The following WDR75 variants were observed in gnomAD, a reference collection of about 807,000 sequenced individuals.
The protein encoded by WDR75 is WD repeat domain 75.
In WDR75, 52 loss-of-function variants were observed where a neutral mutation model predicts 106.1. The ratio of observed to expected loss-of-function variants is 0.49; its 90% CI spans 0.39 to 0.62. The LOEUF (loss-of-function observed/expected upper bound fraction) is 0.62. Among genes scored for constraint, WDR75 ranks in the 20% least tolerant of loss-of-function variants. The pLI is 0.00. For synonymous variants in WDR75, 333 were observed against 335.5 expected (o/e 0.99, Z 0.08); for missense variants, 905 against 970.3 (o/e 0.93, Z 0.89).
intron 1 of WDR75, among the ~76,000 whole-genome samples, chr2:189,446,736 A>G (rs562252743): frequency 1.3e-5 from 2 of 152,326 alleles, no homozygotes; most frequent in South Asian, 2.1e-4. Flanking sequence ...CAGACACTCT[A>G]TATAGTAAAT....
At position 189,462,603 on chromosome 2, in the gene WDR75, C is replaced by T; in HGVS notation, c.898C>T (p.Pro300Ser). 2 of 1,613,870 alleles carry T rather than the reference C, an allele frequency of 1.2e-6. No individual in the cohort carries two copies. Among genetic ancestry groups the T allele is most frequent in the Admixed American group, 1.7e-5 (1 of 59,982 alleles). ...GATIEHISVSPAGDLFCTSHS... is the reference protein window; with the variant it reads ...GATIEHISVSSAGDLFCTSHS... ...TACTATTGAACATATCTCAGTCTCG[C>T]CTGCAGGAGATTTATTCTGCACTTC... The change falls in exon 9 of 21, where the codon CCT (proline) becomes TCT (serine). Residue 300 changes from proline (P) to serine (S), a missense_variant. Physicochemically the swap from Pro to Ser is moderately conservative, Grantham distance 74. Transcript: ENST00000314761.
intron 4 of WDR75, among the ~76,000 whole-genome samples, chr2:189,454,526 TTG>T (rs1208777084): frequency 1.1e-4 from 16 of 143,772 alleles, no homozygotes; most frequent in African/African-American, 2.0e-4. Flanking sequence ...TGTATTTCTT[TTG>T]TTTTTTTTTT....
Position 189,457,262 on chromosome 2 carries a change from A to G in WDR75, c.499-49A>G, listed in dbSNP as rs757738690. ...GTCTCAAAAAAAAAAGAAAAAAAAA[A>G]GAGTGTTGACTATTTTTGTGAATGT... On this transcript the variant is annotated intron_variant, in intron 5 of 20. Coordinates refer to ENST00000314761, the MANE Select transcript of WDR75 (RefSeq NM_032168.3). 7 of 1,290,714 alleles carry G rather than the reference A, an allele frequency of 5.4e-6. No homozygotes were observed. The African/African-American group carries it at 1.0e-4, about 19-fold the overall frequency. The allele number at this position is 1,290,714 out of a possible 1,614,324, so 80.0% of individuals were successfully genotyped here.
At chr2:189,471,728 T>C (rs937245778) in intron 18 of WDR75, among the ~76,000 whole-genome samples, 2 of 152,318 alleles carry the variant, frequency 1.3e-5, no homozygotes, top group African/African-American at 2.4e-5. Context: ...AGGATCTATA[T>C]TCACCATCAT....
chr2:189,460,268 A>C (rs1279258533), intron 8 of WDR75, among the ~76,000 whole-genome samples: 1 of 152,190 alleles, frequency 6.6e-6, no homozygotes, highest in Non-Finnish European at 1.5e-5. Flanking sequence ...TGACAGGACA[A>C]GTCTTAGATG....
At chr2:189,455,968 T>C (rs528252005) in intron 5 of WDR75, among the ~76,000 whole-genome samples, 2 of 152,244 alleles carry the variant, frequency 1.3e-5, no homozygotes, top group Non-Finnish European at 2.9e-5. Context: ...GATGTTTTTA[T>C]ACTGTGATTT....
In WDR75 at chr2:189,451,858, G is replaced by A. The variant is rs761494588; in HGVS notation, c.336G>A (p.Glu112=). The A allele has an allele frequency of 6.2e-7, 1 of 1,613,692 alleles. No homozygotes were observed. The change falls in exon 4 of 21, where the codon GAG becomes GAA. Residue 112 remains glutamate, a synonymous_variant. Coordinates refer to ENST00000314761, the MANE Select transcript of WDR75 (RefSeq NM_032168.3). ...CCCTCTTTACTCTTGCCCAAGCTGA[G>A]GATTCTGTCTTTGTTATAGTGAATA... ...LHALFTLAQA[E]DSVFVIVNKE... is the part of the protein sequence containing the mutation.
At chr2:189,462,462 A>G (rs754762705) in intron 8 of WDR75, 22 bp from the exon 9 acceptor site, 18 of 1,600,152 alleles carry the variant, frequency 1.1e-5, no homozygotes, top group Non-Finnish European at 1.4e-5. Context: ...CATCCTTTTA[A>G]TTTCCTTGAA....
At chr2:189,446,404 C>A (rs994983443) in intron 1 of WDR75, among the ~76,000 whole-genome samples, 3 of 152,134 alleles carry the variant, frequency 2.0e-5, no homozygotes, top group Non-Finnish European at 4.4e-5. Context: ...CTGAAGTACT[C>A]ATGGGAATGG....
chr2:189,468,106 C>A (rs1325350613), intron 14 of WDR75, among the ~76,000 whole-genome samples: 1 of 152,116 alleles, frequency 6.6e-6, no homozygotes, highest in East Asian at 1.9e-4. Flanking sequence ...CCCAGCATGT[C>A]TGATTCTGAA....
At position 189,470,105 on chromosome 2, in the gene WDR75, C is replaced by T. The variant is rs959586704; in HGVS notation, c.1849C>T (p.Pro617Ser). Residue 617 changes from proline (P) to serine (S), a missense_variant, in exon 17 of 21, where the codon CCA (proline) becomes TCA (serine). Coordinates refer to ENST00000314761, the MANE Select transcript of WDR75 (RefSeq NM_032168.3). ...TGTATTTAAACCTAGTGAGCCAAGG[C>T]CATTGTATATTCAAAAGGGTATCTC... ...LFVFKPSEPR[P>S]LYIQKGISRE... 5 of 1,612,840 alleles carry T rather than the reference C, an allele frequency of 3.1e-6. No homozygotes were observed. Among genetic ancestry groups the T allele is most frequent in the Non-Finnish European group, 4.2e-6 (5 of 1,179,342 alleles).
At chr2:189,443,897 T>G (rs1198984041) in intron 1 of WDR75, among the ~76,000 whole-genome samples, 1 of 152,160 alleles carries the variant, frequency 6.6e-6, no homozygotes, top group Non-Finnish European at 1.5e-5. Context: ...GAAATCACTT[T>G]TGCCCAAACT....
At position 189,450,968 on chromosome 2, in the gene WDR75, G is replaced by A. The variant is rs773645303; in HGVS notation, c.282G>A (p.Lys94=). Residue 94 remains lysine (K), a splice_region_variant and synonymous_variant, in exon 3 of 21, where the codon AAG becomes AAA. Coordinates refer to ENST00000314761, the MANE Select transcript of WDR75 (RefSeq NM_032168.3). ...ACTATATAGATGGCATCTTAATAAA[G>A]GTATGTGGATTGATCTTTACTTTTC... ...LWDYIDGILI[K]TFIVGCKLHA... 2.5e-6 allele frequency: 4 copies of A among 1,605,420 alleles called. No homozygotes were observed. Among genetic ancestry groups the A allele is most frequent in the Non-Finnish European group, 3.4e-6 (4 of 1,177,784 alleles).
Position 189,462,475 on chromosome 2 carries a change from G to A in WDR75, c.779-9G>A. The A allele has an allele frequency of 6.2e-7, 1 of 1,612,572 alleles. No individual in the cohort carries two copies. The highest frequency in any genetic ancestry group is 8.5e-7 in the Non-Finnish European group (1 of 1,179,096). On this transcript the variant is annotated splice_polypyrimidine_tract_variant and intron_variant, in intron 8 of 20. Coordinates refer to ENST00000314761, the MANE Select transcript of WDR75 (RefSeq NM_032168.3). Reference sequence around the variant, plus strand: ...ACCATCCTTTTAATTTCCTTGAATGGATATGAAGGCACCAGTCTGCTGAGT... The same window carrying A: ...ACCATCCTTTTAATTTCCTTGAATGAATATGAAGGCACCAGTCTGCTGAGT...
intron 18 of WDR75, among the ~76,000 whole-genome samples, chr2:189,472,078 T>TA (rs1687129156): frequency 6.6e-6 from 1 of 152,190 alleles, no homozygotes. Context: ...TGTTAATTAT[T>TA]TACTGTACGC....
At position 189,448,407 on chromosome 2, in the gene WDR75, G is replaced by T. The variant is rs772650048; in HGVS notation, c.115G>T (p.Val39Phe). The T allele has an allele frequency of 3.7e-6, 6 of 1,613,318 alleles. No homozygotes were observed. Among genetic ancestry groups the T allele is most frequent in the Middle Eastern group, 1.7e-4 (1 of 6,060 alleles). ...KYIFCVSGDFVKVYSTVTEEC... is the reference protein window; with the variant it reads ...KYIFCVSGDFFKVYSTVTEEC... Reference sequence around the variant, plus strand: ...TATCTTCTGTGTCTCTGGAGACTTTGTTAAAGTTTACAGCACAGTTACAGA... The same window carrying T: ...TATCTTCTGTGTCTCTGGAGACTTTTTTAAAGTTTACAGCACAGTTACAGA... The change falls in exon 2 of 21, where the codon GTT becomes TTT. Residue 39 changes from valine to phenylalanine, a missense_variant. Coordinates refer to ENST00000314761, the MANE Select transcript of WDR75 (RefSeq NM_032168.3).
At chr2:189,461,663 C>T (rs1011791485) in intron 8 of WDR75, among the ~76,000 whole-genome samples, 1 of 152,170 alleles carries the variant, frequency 6.6e-6, no homozygotes, top group Non-Finnish European at 1.5e-5. Flanking sequence ...ACTATTTTGG[C>T]TATGCCTTGG....
chr2:189,468,023 G>A (rs550560639), intron 14 of WDR75, among the ~76,000 whole-genome samples: 1 of 152,264 alleles, frequency 6.6e-6, no homozygotes, highest in South Asian at 2.1e-4. Context: ...AGTAGCAGCA[G>A]CATTTTCAGG....
chr2:189,442,026 T>C (rs1193914928), intron 1 of WDR75, among the ~76,000 whole-genome samples: 1 of 152,202 alleles, frequency 6.6e-6, no homozygotes, highest in Non-Finnish European at 1.5e-5. Flanking sequence ...TTCGGAACTT[T>C]ACATGAAAAC....
Sources: gnomAD v4.1 joint callset for allele counts (sites outside exome capture counted in the v4.1 genomes callset) on GRCh38, gnomAD v4.1.1 for gene constraint, MANE v1.5 for transcripts, NCBI Gene and HGNC (gene_info 2026-07-23, HGNC 2026-07-21) for gene names.